Variants in RNF213 observed in about 807,000 individuals in gnomAD.
The protein encoded by RNF213 is ring finger protein 213.
In RNF213, 341 loss-of-function variants were observed where a neutral mutation model predicts 514.4. That is an observed-to-expected ratio of 0.66 (90% CI 0.61 to 0.73). The LOEUF (loss-of-function observed/expected upper bound fraction) is 0.73. Ranked by LOEUF, RNF213 falls within the 30% of genes least tolerant of loss-of-function variation. The probability of loss-of-function intolerance (pLI) is 0.00; values close to 1 mark genes in which losing one functional copy is unlikely to be tolerated. For missense variants in RNF213, 5,767 were observed against 6,615.6 expected (o/e 0.87, Z 4.45); for synonymous variants, 2,655 against 2,658.2 (o/e 1.00, Z 0.04).
chr17:80,262,106 G>C lies in RNF213; in HGVS notation c.-109+1204G>C, dbSNP rs1197423499. Among the ~76,000 whole-genome samples, 4 of 152,146 alleles carry C rather than the reference G, an allele frequency of 2.6e-5. 1 individual carries two copies. The highest frequency in any genetic ancestry group is 1.3e-4 in the Admixed American group (2 of 15,268). On this transcript the variant is annotated intron_variant, in intron 1 of 67. Coordinates refer to ENST00000582970, the MANE Select transcript of RNF213 (RefSeq NM_001256071.3). The stretch of plus-strand genomic sequence containing the variant: ...AAACACTTCGGGTGGAAAGAAAGAG[G>C]CCTGGGCGGTGGGGAGTCATTGAAG...
intron 38 of RNF213, 137 bp from the exon 39 acceptor site, chr17:80,361,597 G>C: frequency 1.2e-6 from 1 of 842,916 alleles, no homozygotes; most frequent in Non-Finnish European, 2.0e-6. Flanking sequence ...ACAAAATCAG[G>C]CAGTTGGTAC....
intron 26 of RNF213, chr17:80,341,539 C>T (rs998417717): frequency 6.6e-6 from 1 of 152,098 alleles, no homozygotes; most frequent in African/African-American, 2.4e-5. Context: ...CAACAGCAGA[C>T]CACGTATATG....
chr17:80,390,751 C>G (rs969639285), intron 67 of RNF213, among the ~76,000 whole-genome samples: 2 of 152,124 alleles, frequency 1.3e-5, no homozygotes, highest in African/African-American at 4.8e-5. Context: ...AAGAGAGGTA[C>G]ATTTTAAATT....
rs572575520 is a variant in RNF213 at position 80,351,857 on chromosome 17, G to T, written c.10303+54G>T. The T allele has an allele frequency of 6.2e-5, 64 of 1,036,592 alleles. 1 individual carries two copies. The African/African-American group carries it at 7.4e-4, about 12-fold the overall frequency. 64.2% of individuals were successfully genotyped at this position (1,036,592 alleles called of 1,614,324 possible). Reference sequence around the variant, plus strand: ...TATTTATGTATTTATTTATTTATTTGTATCTATTTATTTTTTGAGATGGAG... The same window carrying T: ...TATTTATGTATTTATTTATTTATTTTTATCTATTTATTTTTTGAGATGGAG... On this transcript the variant is annotated intron_variant, in intron 32 of 67. Transcript: ENST00000582970.
chr17:80,383,150 C>T (rs940546034), intron 58 of RNF213, 80 bp downstream of exon 58: 17 of 999,524 alleles, frequency 1.7e-5, no homozygotes, highest in Non-Finnish European at 2.7e-5. Context: ...TGCTCCTTGC[C>T]TGTTGCCCCT....
intron 20 of RNF213, among the ~76,000 whole-genome samples, chr17:80,330,346 TCA>T (rs908163866): frequency 4.6e-5 from 7 of 152,224 alleles, no homozygotes; most frequent in Non-Finnish European, 8.8e-5. Context: ...GAGAAAGCCC[TCA>T]CAAGTGGGTT....
chr17:80,337,620 C>G lies in RNF213; in HGVS notation c.4562C>G (p.Thr1521Ser). 1 of 1,537,294 alleles carries G rather than the reference C, an allele frequency of 6.5e-7. No homozygotes were observed. The highest frequency in any genetic ancestry group is 2.4e-5 in the East Asian group (1 of 40,914). ...GCCAGGAACTTGGAATGGCTGAAGA[C>G]TGTGAATGAGAGTCATGGGTCTGTG... ...DSARNLEWLKTVNESHGSVER... is the reference protein window; with the variant it reads ...DSARNLEWLKSVNESHGSVER... The change falls in exon 24 of 68, where the codon ACT becomes AGT. Residue 1521 changes from threonine to serine, a missense_variant. Around this residue, in one of 13 missense-constraint regions of RNF213, gnomAD observed 1,377 missense variants for 1,635.2 expected, o/e 0.84. Coordinates refer to ENST00000582970, the MANE Select transcript of RNF213 (RefSeq NM_001256071.3).
At position 80,347,158 on chromosome 17, in the gene RNF213, G is replaced by A. The variant is rs373704192; in HGVS notation, c.8823G>A (p.Thr2941=). The A allele has an allele frequency of 2.3e-5, 37 of 1,613,818 alleles. No homozygotes were observed. The highest frequency in any genetic ancestry group is 3.3e-4 in the Middle Eastern group (2 of 6,084). Residue 2941 remains threonine, a synonymous_variant, in exon 29 of 68, where the codon ACG becomes ACA. Transcript: ENST00000582970. The surrounding 1 kb of genome is among the most constrained non-coding windows in gnomAD (Gnocchi z 7.2). ...CGTCCTTTGCCAAAGCCTACGAAAC[G>A]GTGTGTAAGCGCCAGGACAAGGAAT... ...YFASFAKAYE[T]VCKRQDKEFF... is the part of the protein sequence containing the mutation.
intron 37 of RNF213, among the ~76,000 whole-genome samples, chr17:80,359,051 C>A (rs971982437): frequency 6.6e-6 from 1 of 152,202 alleles, no homozygotes; most frequent in Non-Finnish European, 1.5e-5. Flanking sequence ...AACAGCCCCA[C>A]AATCTGTGCT....
At chr17:80,277,172 A>G (rs767542075) in intron 3 of RNF213, among the ~76,000 whole-genome samples, 1 of 152,188 alleles carries the variant, frequency 6.6e-6, no homozygotes, top group African/African-American at 2.4e-5. Context: ...ACAAGAGGCC[A>G]TGTATGATTC....
chr17:80,342,419 G>T (rs148775294), intron 26 of RNF213, among the ~76,000 whole-genome samples: 1 of 152,008 alleles, frequency 6.6e-6, no homozygotes, highest in Non-Finnish European at 1.5e-5. Context: ...GTTCAAGAGC[G>T]TATTCTTGAA....
chr17:80,374,309 A>G, intron 49 of RNF213, 149 bp from the exon 50 acceptor site: 1 of 986,588 alleles, frequency 1.0e-6, no homozygotes, highest in Non-Finnish European at 1.6e-6. Context: ...AGGGCACCAG[A>G]CTGTCCTGCC....
rs35187522 is a variant in RNF213, at chr17:80,372,307, AT to A, written c.12538-206del. ...TTTTATAATGTAAATAAATTAGATA[AT>A]TTTTTTTCCTCATAGGTTCACTTTT... On this transcript the variant is annotated intron_variant, in intron 47 of 67. Transcript: ENST00000582970. 5.4e-3 allele frequency among the ~76,000 whole-genome samples: 815 copies of A among 152,080 alleles called. 4 individuals carry two copies. The highest frequency in any genetic ancestry group is 0.019 in the African/African-American group (770 of 41,498).
At position 80,360,068 on chromosome 17, in the gene RNF213, G is replaced by A. The variant is rs1319134492; in HGVS notation, c.11062G>A (p.Gly3688Ser). 9 of 1,614,022 alleles carry A rather than the reference G, an allele frequency of 5.6e-6. No individual in the cohort carries two copies. The African/African-American group carries it at 1.2e-4, about 22-fold the overall frequency. ...TCCCTCACCTTATTGCAGACATAAA[G>A]GTGAGATGGCCTACATCGTGGTGCA... ...PLVMNNERHK[G>S]EMAYIVVQNH... is the part of the protein sequence containing the mutation. Residue 3688 changes from glycine to serine, a missense_variant, in exon 38 of 68, where the codon GGT (glycine) becomes AGT (serine). Physicochemically the swap from Gly to Ser is moderately conservative, Grantham distance 56 (BLOSUM62 0). This residue lies in a region of RNF213 where 919 missense variants were observed against 1,121.0 expected (regional missense o/e 0.82). Coordinates refer to ENST00000582970, the MANE Select transcript of RNF213 (RefSeq NM_001256071.3).
chr17:80,347,601 G>C lies in RNF213; in HGVS notation c.9266G>C (p.Arg3089Pro). The change falls in exon 29 of 68, where the codon CGT becomes CCT. Residue 3089 changes from arginine (R) to proline (P), a missense_variant. Arg to Pro is a moderately radical substitution (Grantham distance 103). Around this residue, in one of 13 missense-constraint regions of RNF213, gnomAD observed 919 missense variants for 1,121.0 expected, o/e 0.82. Transcript: ENST00000582970. The surrounding 1 kb of genome is among the most constrained non-coding windows in gnomAD (Gnocchi z 7.2). ...EYTQLCRNINRVKICMETGKM... is the reference protein window; with the variant it reads ...EYTQLCRNINPVKICMETGKM... Reference sequence around the variant, plus strand: ...ACCCAGCTCTGCAGAAACATCAATCGTGTGAAGATCTGCATGGAAACAGGC... The same window carrying C: ...ACCCAGCTCTGCAGAAACATCAATCCTGTGAAGATCTGCATGGAAACAGGC... 2 of 1,614,116 alleles carry C rather than the reference G, an allele frequency of 1.2e-6. No homozygotes were observed. Among genetic ancestry groups the C allele is most frequent in the Non-Finnish European group, 1.7e-6 (2 of 1,180,034 alleles).
Position 80,368,012 on chromosome 17 carries a change from C to G in RNF213, c.12024C>G (p.Val4008=). ...GCCTGGGAGATGCAAAGGACCCCGT[C>G]TGTCTGCCCTGCGACCACGTGCACT... ...SICLGDAKDP[V]CLPCDHVHCL... The change falls in exon 44 of 68, where the codon GTC becomes GTG. Residue 4008 remains valine (V), a synonymous_variant. Transcript: ENST00000582970. The G allele has an allele frequency of 6.2e-7, 1 of 1,614,282 alleles. No individual in the cohort carries two copies. Among genetic ancestry groups the G allele is most frequent in the Admixed American group, 1.7e-5 (1 of 60,038 alleles).
chr17:80,378,435 A>G (rs1041733739), intron 54 of RNF213, among the ~76,000 whole-genome samples: 8 of 152,172 alleles, frequency 5.3e-5, no homozygotes, highest in Non-Finnish European at 1.0e-4. Context: ...GGTTGAGCTG[A>G]CACGTGGTAG....
At chr17:80,280,738 A>AACC (rs1420895173) in intron 3 of RNF213, among the ~76,000 whole-genome samples, 1 of 152,120 alleles carries the variant, frequency 6.6e-6, no homozygotes, top group Non-Finnish European at 1.5e-5. Context: ...TACAGGCATA[A>AACC]ACCACCACCC....
Position 80,288,817 on chromosome 17 carries a change from T to C in RNF213, c.933+62T>C. 3 of 1,612,156 alleles carry C rather than the reference T, an allele frequency of 1.9e-6. No homozygotes were observed. The South Asian group carries it at 3.3e-5, about 18-fold the overall frequency. ...CTCTCCTGCCCACGGCTGCGCCTCT[T>C]TCATTTAATTATTCAGCAAATATTT... On this transcript the variant is annotated intron_variant, in intron 5 of 67. Coordinates refer to ENST00000582970, the MANE Select transcript of RNF213 (RefSeq NM_001256071.3). This position sits in a 1 kb window ranked among gnomAD's most constrained non-coding sequence, Gnocchi z 4.9.
Sources: gnomAD v4.1 joint callset for allele counts (sites outside exome capture counted in the v4.1 genomes callset) on GRCh38, gnomAD v4.1.1 for gene constraint, gnomAD v4.1.1 regional missense constraint, Gnocchi (gnomAD v3.1) non-coding constraint, MANE v1.5 for transcripts, NCBI Gene and HGNC (gene_info 2026-07-23, HGNC 2026-07-21) for gene names.